Variants in PRKN observed in about 807,000 individuals in gnomAD.
The protein encoded by PRKN is parkin RBR E3 ubiquitin protein ligase, also known as E3 ubiquitin-protein ligase parkin.
Under a neutral mutation model 59.5 loss-of-function variants are expected in PRKN, and 56 were observed. That is an observed-to-expected ratio of 0.94 (90% CI 0.76 to 1.18). PRKN has a LOEUF of 1.18. Among genes scored for constraint, PRKN ranks in the 50% most tolerant of loss-of-function variants. The pLI, the probability that PRKN is intolerant of heterozygous loss-of-function variation, is 0.00. For synonymous variants in PRKN, 250 were observed against 222.1 expected, an observed-to-expected ratio of 1.13 and a Z score of -1.12; for missense variants, 657 against 596.4, an observed-to-expected ratio of 1.10 and a Z score of -1.06.
At chr6:161,867,402 T>C (rs1011930463) in intron 6 of PRKN, among the ~76,000 whole-genome samples, 1 of 152,214 alleles carries the variant, frequency 6.6e-6, no homozygotes. Flanking sequence ...AAACAAAGAA[T>C]TGCAACCTTG....
At chr6:162,607,757 G>C (rs1392170726) in intron 1 of PRKN, among the ~76,000 whole-genome samples, 2 of 152,156 alleles carry the variant, frequency 1.3e-5, no homozygotes, top group African/African-American at 4.8e-5. Context: ...AGGTTTATTT[G>C]CTTGGTATCA....
chr6:162,112,616 A>G (rs1016237276), intron 4 of PRKN, among the ~76,000 whole-genome samples: 12 of 151,984 alleles, frequency 7.9e-5, no homozygotes, highest in African/African-American at 2.9e-4. Context: ...CTTCCATCAC[A>G]CTTTAGATAA....
chr6:161,360,228 C>T lies in PRKN; in HGVS notation c.1168-23G>A, dbSNP rs780291252. On this transcript the variant is annotated intron_variant, in intron 10 of 11. Transcript: ENST00000366898. This position sits in a 1 kb window ranked among gnomAD's most constrained non-coding sequence, Gnocchi z 5.1. ...GGCCTGGGGAAACAAAGAGGAAAGG[C>T]GTTTAATCTCAGCTTTCTATTACTG... is the stretch of plus-strand genomic sequence containing the variant. The T allele has an allele frequency of 6.9e-5, 106 of 1,538,142 alleles. No homozygotes were observed. The highest frequency in any genetic ancestry group is 4.5e-4 in the Admixed American group (27 of 59,940).
At chr6:162,469,395 T>TGCAGATGCATGTTTATAGCAGC (rs1307617469) in intron 1 of PRKN, among the ~76,000 whole-genome samples, 44 of 151,284 alleles carry the variant, frequency 2.9e-4, no homozygotes, top group Admixed American at 2.9e-3. Context: ...AAAAGGTACT[T>TGCAGATGCATGTTTATAGCAGC]GCAGATGCAT....
intron 3 of PRKN, among the ~76,000 whole-genome samples, chr6:162,225,886 G>GTATATATATATATATATATA (rs58925653): frequency 7.0e-6 from 1 of 143,168 alleles, no homozygotes; most frequent in South Asian, 2.2e-4. Context: ...ATGTAGGGCT[G>GTATATATATATATATATATA]TATATATATA....
intron 6 of PRKN, among the ~76,000 whole-genome samples, chr6:161,899,817 T>C (rs781697348): frequency 6.6e-6 from 1 of 152,180 alleles, no homozygotes; most frequent in African/African-American, 2.4e-5. Context: ...AGGGAAGTCA[T>C]ATATTTTAAA....
At chr6:162,623,435 C>G (rs1782759866) in intron 1 of PRKN, among the ~76,000 whole-genome samples, 1 of 152,150 alleles carries the variant, frequency 6.6e-6, no homozygotes, top group Non-Finnish European at 1.5e-5. Context: ...AGCTTTCTGA[C>G]ACTAAATAAT....
chr6:161,686,723 C>T (rs190010389), intron 7 of PRKN, among the ~76,000 whole-genome samples: 20 of 152,270 alleles, frequency 1.3e-4, no homozygotes, highest in Non-Finnish European at 2.4e-4. Flanking sequence ...GGAATGTCTG[C>T]CTTCGTATCT....
intron 1 of PRKN, among the ~76,000 whole-genome samples, chr6:162,621,094 T>C (rs1302182462): frequency 4.0e-5 from 1 of 24,896 alleles, no homozygotes; most frequent in Non-Finnish European, 7.7e-5. Context: ...CATCAAGATA[T>C]CTCCACATAT....
intron 4 of PRKN, among the ~76,000 whole-genome samples, chr6:162,122,736 A>G (rs926750528): frequency 6.6e-6 from 1 of 151,672 alleles, no homozygotes; most frequent in Non-Finnish European, 1.5e-5. Context: ...CTATCTATCT[A>G]TCTATCTATC....
intron 2 of PRKN, among the ~76,000 whole-genome samples, chr6:162,308,126 G>A (rs1434405760): frequency 6.6e-6 from 1 of 151,972 alleles, no homozygotes; most frequent in Non-Finnish European, 1.5e-5. Flanking sequence ...AGGAACCGAG[G>A]GATCACTACA....
At chr6:162,539,474 CTTCT>C (rs1778840802) in intron 1 of PRKN, among the ~76,000 whole-genome samples, 1 of 152,186 alleles carries the variant, frequency 6.6e-6, no homozygotes, top group Non-Finnish European at 1.5e-5. Context: ...GCACCTACAG[CTTCT>C]TTGTCTACAG....
chr6:162,629,607 T>A (rs1783026521), intron 1 of PRKN, among the ~76,000 whole-genome samples: 1 of 152,176 alleles, frequency 6.6e-6, no homozygotes, highest in Admixed American at 6.6e-5. Flanking sequence ...ATAATTTTCT[T>A]TTAGTCAACA....
At chr6:161,708,526 T>C (rs1583035348) in intron 7 of PRKN, among the ~76,000 whole-genome samples, 1 of 147,212 alleles carries the variant, frequency 6.8e-6, no homozygotes, top group African/African-American at 2.5e-5. Flanking sequence ...GGGGGGGAGG[T>C]ATTTCTGGAC....
chr6:161,669,629 G>A (rs77017084), intron 7 of PRKN, among the ~76,000 whole-genome samples: 103 of 152,278 alleles, frequency 6.8e-4, no homozygotes, highest in African/African-American at 1.9e-3. Context: ...GTTCATTTAC[G>A]TCTCTTTAAA....
At chr6:161,949,336 C>T (rs991308747) in intron 6 of PRKN, among the ~76,000 whole-genome samples, 7 of 152,114 alleles carry the variant, frequency 4.6e-5, no homozygotes, top group African/African-American at 1.7e-4. Context: ...CATGGTGAAA[C>T]CCCATCTCTA....
chr6:162,009,835 C>G (rs767092289), intron 5 of PRKN, among the ~76,000 whole-genome samples: 1 of 151,750 alleles, frequency 6.6e-6, no homozygotes, highest in Non-Finnish European at 1.5e-5. Context: ...ACTCTGGAGG[C>G]TGAGGCATGA....
At chr6:162,414,248 T>C (rs192735231) in intron 2 of PRKN, among the ~76,000 whole-genome samples, 8 of 152,244 alleles carry the variant, frequency 5.3e-5, no homozygotes, top group Admixed American at 2.6e-4. Context: ...CAGAACTTAC[T>C]GCTCCATAAT....
At chr6:161,940,608 C>T (rs1562404781) in intron 6 of PRKN, among the ~76,000 whole-genome samples, 1 of 152,210 alleles carries the variant, frequency 6.6e-6, no homozygotes, top group Non-Finnish European at 1.5e-5. Flanking sequence ...TTCCTCAGAT[C>T]CCTAGCCAGT....
Sources: allele counts gnomAD v4.1 joint callset (sites outside exome capture counted in the v4.1 genomes callset), GRCh38; gene constraint gnomAD v4.1.1; non-coding constraint Gnocchi (gnomAD v3.1); transcripts MANE v1.5; gene names NCBI Gene and HGNC (gene_info 2026-07-23, HGNC 2026-07-21).